Variants in RBMS3 observed in about 807,000 individuals in gnomAD.
The protein encoded by RBMS3 is RNA-binding motif, single-stranded-interacting protein 3.
RBMS3 carries 27 observed loss-of-function variants against 66.8 expected under a neutral mutation model. The ratio of observed to expected loss-of-function variants is 0.40; its 90% CI spans 0.30 to 0.56. The LOEUF (loss-of-function observed/expected upper bound fraction) is 0.56, where lower values mean the gene tolerates loss of function less well. Among genes scored for constraint, RBMS3 ranks in the 20% least tolerant of loss-of-function variants. The probability of loss-of-function intolerance (pLI) is 0.40; values close to 1 mark genes in which losing one functional copy is unlikely to be tolerated. For missense variants in RBMS3, 513 were observed against 549.5 expected (o/e 0.93, Z 0.66); for synonymous variants, 188 against 183.0 (o/e 1.03, Z -0.22).
chr3:29,308,758 A>AAAAAC (rs1559477274), intron 1 of RBMS3, among the ~76,000 whole-genome samples: 1 of 89,050 alleles, frequency 1.1e-5, no homozygotes, highest in Non-Finnish European at 2.3e-5. Flanking sequence ...AAAAAAAACA[A>AAAAAC]AAAAAAAAAC....
intron 2 of RBMS3, among the ~76,000 whole-genome samples, chr3:29,462,652 T>C (rs1026294970): frequency 1.3e-5 from 2 of 152,214 alleles, no homozygotes; most frequent in African/African-American, 4.8e-5. Context: ...CCTGTTTCTC[T>C]TTTTTAATTT....
intron 2 of RBMS3, among the ~76,000 whole-genome samples, chr3:29,480,366 C>A (rs1438816948): frequency 6.6e-6 from 1 of 151,978 alleles, no homozygotes; most frequent in East Asian, 1.9e-4. Context: ...TATTGTAGCA[C>A]CAAAACTCAA....
intron 1 of RBMS3, among the ~76,000 whole-genome samples, chr3:29,404,591 C>T (rs1183958546): frequency 2.0e-5 from 3 of 152,042 alleles, no homozygotes; most frequent in Non-Finnish European, 2.9e-5. Context: ...CTTTTGTTTC[C>T]ATCAGCTACT....
rs185556301 is a variant in RBMS3 at position 29,889,967 on chromosome 3, C to T, written c.791+5759C>T. On this transcript the variant is annotated intron_variant, in intron 8 of 14. Coordinates refer to ENST00000383767, the MANE Select transcript of RBMS3 (RefSeq NM_001003793.3). ...TTTCACCCAAAGCAGCCAAACTACCCATGAGTTTCTCTGTCCTGAGTGAAA... is the reference window on the plus strand; with the variant it reads ...TTTCACCCAAAGCAGCCAAACTACCTATGAGTTTCTCTGTCCTGAGTGAAA... Among the ~76,000 whole-genome samples, 14 of 151,732 alleles carry T rather than the reference C, an allele frequency of 9.2e-5. No individual in the cohort carries two copies. In the East Asian group the frequency reaches 2.3e-3, roughly 25 times the overall value.
chr3:29,637,074 T>A, intron 4 of RBMS3, among the ~76,000 whole-genome samples: 1 of 151,950 alleles, frequency 6.6e-6, no homozygotes, highest in East Asian at 1.9e-4. Context: ...TCCTGCCTTT[T>A]ATTTACAATG....
At chr3:29,832,760 C>T (rs2058407038) in intron 6 of RBMS3, among the ~76,000 whole-genome samples, 1 of 152,076 alleles carries the variant, frequency 6.6e-6, no homozygotes, top group African/African-American at 2.4e-5. Flanking sequence ...CCCTACTAAC[C>T]ACTCTACAGA....
At chr3:29,690,699 G>T (rs1576534111) in intron 4 of RBMS3, among the ~76,000 whole-genome samples, 1 of 152,140 alleles carries the variant, frequency 6.6e-6, no homozygotes, top group South Asian at 2.1e-4. Context: ...TCTCTTTCAA[G>T]TTCTGTGCTT....
At chr3:29,701,053 C>T (rs1442337425) in intron 4 of RBMS3, among the ~76,000 whole-genome samples, 7 of 152,006 alleles carry the variant, frequency 4.6e-5, no homozygotes, top group Non-Finnish European at 7.4e-5. Flanking sequence ...GTACTCTGCC[C>T]GCCTTGGCCT....
At chr3:29,763,136 C>G (rs1187021398) in intron 6 of RBMS3, 147 bp downstream of exon 6, 2 of 547,982 alleles carry the variant, frequency 3.6e-6, no homozygotes, top group Non-Finnish European at 6.4e-6. Context: ...TACTGTGTAG[C>G]AACTCATCTT....
intron 4 of RBMS3, among the ~76,000 whole-genome samples, chr3:29,647,584 A>T (rs531756024): frequency 1.8e-4 from 26 of 144,766 alleles, no homozygotes; most frequent in Non-Finnish European, 3.3e-4. Context: ...ATGTTGTGTT[A>T]CTCCATAGTA....
intron 10 of RBMS3, 142 bp downstream of exon 10, chr3:29,899,897 C>G: frequency 1.4e-6 from 1 of 726,388 alleles, no homozygotes; most frequent in Non-Finnish European, 2.2e-6. Flanking sequence ...AAAAGCTGTT[C>G]CTGAAATTCT....
At chr3:29,488,784 G>T (rs375217488) in intron 3 of RBMS3, among the ~76,000 whole-genome samples, 1 of 152,186 alleles carries the variant, frequency 6.6e-6, no homozygotes, top group South Asian at 2.1e-4. Context: ...TGATGTGAAT[G>T]ATATCATCAG....
intron 1 of RBMS3, among the ~76,000 whole-genome samples, chr3:29,405,508 T>A (rs575003600): frequency 4.6e-5 from 7 of 152,184 alleles, no homozygotes; most frequent in African/African-American, 1.4e-4. Context: ...ATTTTCATAG[T>A]GGATATCCTT....
At chr3:29,550,675 A>G (rs2046151929) in intron 3 of RBMS3, among the ~76,000 whole-genome samples, 1 of 152,104 alleles carries the variant, frequency 6.6e-6, no homozygotes. Flanking sequence ...GTTTCATGCA[A>G]TATTTGGGAC....
intron 3 of RBMS3, among the ~76,000 whole-genome samples, chr3:29,551,680 A>G (rs1177808248): frequency 1.3e-5 from 2 of 152,232 alleles, no homozygotes; most frequent in Non-Finnish European, 2.9e-5. Context: ...AGATGCTAGG[A>G]AAAAACATAT....
chr3:29,887,985 C>A (rs1463504801), intron 8 of RBMS3, among the ~76,000 whole-genome samples: 1 of 151,758 alleles, frequency 6.6e-6, no homozygotes, highest in Non-Finnish European at 1.5e-5. Flanking sequence ...TGAGGACAGC[C>A]TAGAACACAG....
chr3:29,741,708 G>A (rs74901825), intron 5 of RBMS3, among the ~76,000 whole-genome samples: 3,466 of 152,226 alleles, frequency 0.023, 54 homozygotes, highest in Non-Finnish European at 0.032. Context: ...AAAATGTCAC[G>A]GAACAGTGGC....
intron 4 of RBMS3, among the ~76,000 whole-genome samples, chr3:29,643,769 T>G (rs1411946788): frequency 6.6e-6 from 1 of 152,156 alleles, no homozygotes; most frequent in Non-Finnish European, 1.5e-5. Context: ...TTAATGGATA[T>G]TTAGTTCTGT....
At chr3:29,589,210 TTC>T (rs202138421) in intron 4 of RBMS3, among the ~76,000 whole-genome samples, 3 of 151,618 alleles carry the variant, frequency 2.0e-5, no homozygotes, top group South Asian at 2.1e-4. Context: ...GAATCCCTCT[TTC>T]TCTCTCTCTC....
Sources: allele counts gnomAD v4.1 joint callset (sites outside exome capture counted in the v4.1 genomes callset), GRCh38; gene constraint gnomAD v4.1.1; transcripts MANE v1.5; gene names NCBI Gene and HGNC (gene_info 2026-07-23, HGNC 2026-07-21).